SLC9B1: variants seen among roughly 807,000 people sequenced by gnomAD.
The protein encoded by SLC9B1 is sodium/hydrogen exchanger 9B1.
In SLC9B1, 32 loss-of-function variants were observed where a neutral mutation model predicts 51.7. The ratio of observed to expected loss-of-function variants is 0.62; its 90% CI spans 0.47 to 0.83. The LOEUF (loss-of-function observed/expected upper bound fraction) is 0.83. Among genes scored for constraint, SLC9B1 ranks in the 40% least tolerant of loss-of-function variants. SLC9B1 has a pLI of 0.00. For missense variants in SLC9B1, 406 were observed against 613.2 expected, an observed-to-expected ratio of 0.66 and a Z score of 3.57; for synonymous variants, 145 against 212.7, an observed-to-expected ratio of 0.68 and a Z score of 2.77.
intron 4 of SLC9B1, among the ~76,000 whole-genome samples, chr4:102,948,613 C>T (rs1407806297): frequency 6.6e-6 from 1 of 152,090 alleles, no homozygotes; most frequent in African/African-American, 2.4e-5. Flanking sequence ...TACATATACA[C>T]CATGGAATGC....
chr4:102,985,202 A>G (rs924854189), intron 3 of SLC9B1, among the ~76,000 whole-genome samples: 1 of 152,184 alleles, frequency 6.6e-6, no homozygotes, highest in Non-Finnish European at 1.5e-5. Context: ...CTTAATCAAT[A>G]TGTATCTTGT....
Position 103,019,626 on chromosome 4 carries a change from G to A in SLC9B1, c.-29C>T, listed in dbSNP as rs1741646149. On this transcript the variant is annotated 5_prime_UTR_variant, in exon 1 of 12. Coordinates refer to ENST00000296422, the MANE Select transcript of SLC9B1 (RefSeq NM_139173.4). ...ACAACTTCTTTCGCAGCCCTCGCTG[G>A]CCCGGGAGCGGCCCAGGAGCCCAGT... The A allele has an allele frequency of 1.0e-6, 1 of 985,504 alleles. No individual in the cohort carries two copies. Among genetic ancestry groups the A allele is most frequent in the Non-Finnish European group, 1.2e-6 (1 of 829,966 alleles). 61.0% of individuals were successfully genotyped at this position (985,504 alleles called of 1,614,324 possible).
downstream of SLC9B1, chr4:102,898,150 T>C (rs1311339000): frequency 5.8e-6 from 3 of 514,626 alleles, no homozygotes; most frequent in African/African-American, 1.9e-5. Flanking sequence ...TGTACTAAGG[T>C]TGACAAAGGT....
At chr4:102,921,529 C>G (rs1735877162) in intron 7 of SLC9B1, among the ~76,000 whole-genome samples, 1 of 152,148 alleles carries the variant, frequency 6.6e-6, no homozygotes. Context: ...CAGCAACTAT[C>G]ATAATAACAG....
At chr4:102,958,961 A>G (rs1737945212) in intron 3 of SLC9B1, among the ~76,000 whole-genome samples, 1 of 152,124 alleles carries the variant, frequency 6.6e-6, no homozygotes, top group African/African-American at 2.4e-5. Flanking sequence ...GAAATAGGGC[A>G]CTAAAAATAC....
intron 3 of SLC9B1, among the ~76,000 whole-genome samples, chr4:102,958,432 C>T (rs1338000874): frequency 6.6e-6 from 1 of 152,152 alleles, no homozygotes; most frequent in African/African-American, 2.4e-5. Context: ...TATAAATTAT[C>T]GAGTCTCAGG....
intron 11 of SLC9B1, chr4:102,891,375 AAAAT>A (rs985028200): frequency 6.6e-6 from 1 of 152,232 alleles, no homozygotes; most frequent in Non-Finnish European, 1.5e-5. Context: ...CAGGGGAACA[AAAAT>A]AAATTTAAGG....
At chr4:102,910,848 T>C (rs1735304574) in intron 8 of SLC9B1, among the ~76,000 whole-genome samples, 1 of 152,118 alleles carries the variant, frequency 6.6e-6, no homozygotes, top group Non-Finnish European at 1.5e-5. Context: ...TTACTATAAG[T>C]GAAGAAGAAA....
At chr4:103,001,892 C>A (rs920142297) in intron 1 of SLC9B1, among the ~76,000 whole-genome samples, 1 of 152,210 alleles carries the variant, frequency 6.6e-6, no homozygotes, top group Admixed American at 6.5e-5. Context: ...AGAGGTTTAA[C>A]TGACTCACAG....
chr4:102,937,879 C>T lies in SLC9B1; in HGVS notation c.654-5580G>A, dbSNP rs549205637. On this transcript the variant is annotated intron_variant, in intron 6 of 11. Transcript: ENST00000296422. ...CTTACAAGAGGTCCTTAAAGGAGTG[C>T]TAAGTGTGGAAGTGAAGGACTGTTA... Among the ~76,000 whole-genome samples the T allele has an allele frequency of 3.9e-5, 6 of 152,126 alleles. No individual in the cohort carries two copies. The South Asian group carries it at 1.0e-3, about 26-fold the overall frequency.
At chr4:102,975,584 A>ATTTTT (rs1466561136) in intron 3 of SLC9B1, among the ~76,000 whole-genome samples, 4,461 of 79,168 alleles carry the variant, frequency 0.056, 330 homozygotes, top group Non-Finnish European at 0.07. Context: ...ATATATATAT[A>ATTTTT]TATTTTTTTT....
chr4:102,891,034 A>G (rs1288583453), intron 11 of SLC9B1: 1 of 151,022 alleles, frequency 6.6e-6, no homozygotes, highest in Non-Finnish European at 1.5e-5. Context: ...ATATAGTCAA[A>G]GTATGAAATC....
chr4:102,921,643 A>C (rs1254771766), intron 7 of SLC9B1, among the ~76,000 whole-genome samples: 1 of 152,242 alleles, frequency 6.6e-6, no homozygotes, highest in Non-Finnish European at 1.5e-5. Flanking sequence ...AAGACCCATC[A>C]GTGTGCTGTA....
chr4:102,995,669 A>C (rs1430823434), intron 1 of SLC9B1, among the ~76,000 whole-genome samples: 1 of 152,162 alleles, frequency 6.6e-6, no homozygotes, highest in East Asian at 1.9e-4. Context: ...CAAGAGTGGA[A>C]TTGGTAGGTG....
intron 1 of SLC9B1, among the ~76,000 whole-genome samples, chr4:103,018,186 G>A (rs979620582): frequency 1.3e-5 from 2 of 152,134 alleles, no homozygotes; most frequent in African/African-American, 4.8e-5. Flanking sequence ...AAAATGAGAA[G>A]TACTATAAAA....
chr4:102,927,226 C>T (rs1241615335), intron 7 of SLC9B1, among the ~76,000 whole-genome samples: 3 of 152,176 alleles, frequency 2.0e-5, no homozygotes, highest in East Asian at 3.8e-4. Context: ...ATAGTAATGG[C>T]AACAGAAGCC....
chr4:103,012,174 C>A (rs908952627), intron 1 of SLC9B1, among the ~76,000 whole-genome samples: 1 of 152,070 alleles, frequency 6.6e-6, no homozygotes, highest in African/African-American at 2.4e-5. Flanking sequence ...CATGTAGCAC[C>A]CTCAGCATTT....
chr4:102,922,939 C>T (rs1021719637), intron 7 of SLC9B1, among the ~76,000 whole-genome samples: 4 of 152,064 alleles, frequency 2.6e-5, no homozygotes, highest in Non-Finnish European at 5.9e-5. Flanking sequence ...AAAAAAAAGT[C>T]CAGGACCAGA....
At chr4:102,975,895 G>A (rs1739045628) in intron 3 of SLC9B1, among the ~76,000 whole-genome samples, 1 of 151,722 alleles carries the variant, frequency 6.6e-6, no homozygotes, top group Admixed American at 6.6e-5. Context: ...AAGGTCACAT[G>A]CATAAATATG....
Sources: allele counts gnomAD v4.1 joint callset (sites outside exome capture counted in the v4.1 genomes callset), GRCh38; gene constraint gnomAD v4.1.1; transcripts MANE v1.5; gene names NCBI Gene and HGNC (gene_info 2026-07-23, HGNC 2026-07-21).